PTPRQ: variants seen among roughly 807,000 people sequenced by gnomAD.
The protein encoded by PTPRQ is protein tyrosine phosphatase receptor type Q.
PTPRQ carries 199 observed loss-of-function variants against 246.0 expected under a neutral mutation model. The observed-to-expected ratio is 0.81, with a 90% CI of 0.72 to 0.91. The LOEUF (loss-of-function observed/expected upper bound fraction) is 0.91. Ranked by LOEUF, PTPRQ falls within the 40% of genes least tolerant of loss-of-function variation. The pLI, the probability that PTPRQ is intolerant of heterozygous loss-of-function variation, is 0.00. For missense variants in PTPRQ, 2,624 were observed against 2,528.4 expected, an observed-to-expected ratio of 1.04 and a Z score of -0.81; for synonymous variants, 869 against 853.2, an observed-to-expected ratio of 1.02 and a Z score of -0.32.
intron 25 of PTPRQ, among the ~76,000 whole-genome samples, chr12:80,573,063 T>A (rs1447604416): frequency 6.6e-6 from 1 of 152,210 alleles, no homozygotes; most frequent in Non-Finnish European, 1.5e-5. Context: ...TCACAGTTAT[T>A]ATTTCATCCT....
At chr12:80,523,958 A>AT (rs1895597759) in intron 17 of PTPRQ, among the ~76,000 whole-genome samples, 1 of 152,118 alleles carries the variant, frequency 6.6e-6, no homozygotes, top group African/African-American at 2.4e-5. Context: ...TAATGTTGAC[A>AT]GGGGGTGTTA....
At chr12:80,627,393 A>C (rs1477246471) in intron 33 of PTPRQ, among the ~76,000 whole-genome samples, 1 of 149,302 alleles carries the variant, frequency 6.7e-6, no homozygotes, top group Non-Finnish European at 1.5e-5. Context: ...AGAAGGAGGA[A>C]GAGGAGGAGG....
At chr12:80,479,885 G>T (rs1393962843) in intron 8 of PTPRQ, among the ~76,000 whole-genome samples, 1 of 151,832 alleles carries the variant, frequency 6.6e-6, no homozygotes. Context: ...AGTCCTGAGT[G>T]ACCTACAAAG....
At chr12:80,481,856 C>G (rs1451593518) in intron 8 of PTPRQ, among the ~76,000 whole-genome samples, 8 of 151,976 alleles carry the variant, frequency 5.3e-5, no homozygotes, top group African/African-American at 1.7e-4. Context: ...CTACAAACCG[C>G]TGCTCAATGA....
Position 80,549,687 on chromosome 12 carries a change from G to T in PTPRQ, c.4238G>T (p.Gly1413Val). Reference sequence around the variant, plus strand: ...AAAGTAAGAGCTTCAACCTCAGCTGGTGAAGGTGATGAAAGCACATGCCAT... The same window carrying T: ...AAAGTAAGAGCTTCAACCTCAGCTGTTGAAGGTGATGAAAGCACATGCCAT... The part of the protein sequence containing the change: ...VFKVRASTSA[G>V]EGDESTCHVS... The change falls in exon 25 of 45, where the codon GGT becomes GTT. Residue 1413 changes from glycine to valine, a missense_variant. By Grantham distance (109) the Gly-to-Val change is moderately radical. Transcript: ENST00000644991. The T allele has an allele frequency of 2.6e-6, 4 of 1,550,980 alleles. No homozygotes were observed. The highest frequency in any genetic ancestry group is 2.4e-5 in the South Asian group (2 of 84,014).
chr12:80,478,998 A>G (rs995079499), intron 8 of PTPRQ, among the ~76,000 whole-genome samples: 1 of 151,978 alleles, frequency 6.6e-6, no homozygotes, highest in Non-Finnish European at 1.5e-5. Context: ...AAGGCAGGCC[A>G]ACGTTCAGAT....
intron 26 of PTPRQ, among the ~76,000 whole-genome samples, chr12:80,590,199 A>G (rs1230666710): frequency 6.6e-6 from 1 of 151,992 alleles, no homozygotes; most frequent in African/African-American, 2.4e-5. Context: ...TTCCTCCTCA[A>G]TCCTGCCCAT....
chr12:80,474,997 G>A (rs1893766257), intron 8 of PTPRQ, among the ~76,000 whole-genome samples: 1 of 152,066 alleles, frequency 6.6e-6, no homozygotes, highest in Admixed American at 6.6e-5. Flanking sequence ...GATTTGCAAT[G>A]GCTTTAATTT....
intron 9 of PTPRQ, among the ~76,000 whole-genome samples, chr12:80,489,117 A>C (rs1007885976): frequency 4.1e-4 from 62 of 152,044 alleles, no homozygotes; most frequent in African/African-American, 1.4e-3. Context: ...ATGAGGTTTT[A>C]GGCACTCTGT....
At chr12:80,626,802 C>G (rs775210344) in intron 33 of PTPRQ, among the ~76,000 whole-genome samples, 4 of 152,166 alleles carry the variant, frequency 2.6e-5, no homozygotes, top group Non-Finnish European at 5.9e-5. Flanking sequence ...ATTTTCTCTT[C>G]TTGATAGTTT....
intron 3 of PTPRQ, chr12:80,454,485 C>G (rs1156728856): frequency 8.5e-6 from 6 of 702,336 alleles, no homozygotes; most frequent in Non-Finnish European, 1.6e-5. Flanking sequence ...ATCGCTCTGG[C>G]TAGGCCTTCC....
At position 80,668,679 on chromosome 12, in the gene PTPRQ, A is replaced by G. The variant is rs10506830; in HGVS notation, c.6193-328A>G. On this transcript the variant is annotated intron_variant, in intron 39 of 44. Coordinates refer to ENST00000644991, the MANE Select transcript of PTPRQ (RefSeq NM_001145026.2). ...CACAATGATTTTATAAGAATATTGAATATAAGATGCTTAGCAAACTGCTAC... is the reference window on the plus strand; with the variant it reads ...CACAATGATTTTATAAGAATATTGAGTATAAGATGCTTAGCAAACTGCTAC... Among the ~76,000 whole-genome samples, 29,768 of 151,862 alleles carry G rather than the reference A, an allele frequency of 0.2. 3,245 individuals are homozygous for G. The highest frequency in any genetic ancestry group is 0.24 in the Non-Finnish European group (16,490 of 67,852).
intron 19 of PTPRQ, among the ~76,000 whole-genome samples, chr12:80,539,115 G>T (rs1456891769): frequency 6.6e-6 from 1 of 151,916 alleles, no homozygotes; most frequent in Admixed American, 6.6e-5. Context: ...GAAAGAAAAT[G>T]ATTACATACA....
chr12:80,548,931 T>G (rs912660577), intron 24 of PTPRQ, among the ~76,000 whole-genome samples: 4 of 152,068 alleles, frequency 2.6e-5, no homozygotes, highest in Non-Finnish European at 5.9e-5. Context: ...TTCCTTCCAA[T>G]GATGTCTACA....
intron 35 of PTPRQ, among the ~76,000 whole-genome samples, chr12:80,646,426 T>C (rs966518558): frequency 6.6e-6 from 1 of 152,344 alleles, no homozygotes; most frequent in South Asian, 2.1e-4. Flanking sequence ...TAGCCAGTTA[T>C]GGTTTAAAAT....
Position 80,488,446 on chromosome 12 carries a change from G to A in PTPRQ, c.1359+3841G>A, listed in dbSNP as rs557604721. On this transcript the variant is annotated intron_variant, in intron 9 of 44. Coordinates refer to ENST00000644991, the MANE Select transcript of PTPRQ (RefSeq NM_001145026.2). Reference sequence around the variant, plus strand: ...TAAGAATTGAGAACAGATGACGAAGGTATATATGTGTTTAAGTAACCTAAC... The same window carrying A: ...TAAGAATTGAGAACAGATGACGAAGATATATATGTGTTTAAGTAACCTAAC... Among the ~76,000 whole-genome samples, 577 of 152,094 alleles carry A rather than the reference G, an allele frequency of 3.8e-3. 2 individuals are homozygous for A. Among genetic ancestry groups the A allele is most frequent in the African/African-American group, 0.013 (541 of 41,528 alleles).
intron 35 of PTPRQ, among the ~76,000 whole-genome samples, chr12:80,644,741 AT>A (rs1284503675): frequency 1.3e-5 from 2 of 152,028 alleles, no homozygotes; most frequent in Admixed American, 6.6e-5. Flanking sequence ...AGTCAAATTA[AT>A]TTTTTTGTAT....
At chr12:80,578,636 G>A (rs868517259) in intron 25 of PTPRQ, among the ~76,000 whole-genome samples, 6 of 152,082 alleles carry the variant, frequency 3.9e-5, no homozygotes, top group African/African-American at 1.4e-4. Flanking sequence ...CTCGTGATCC[G>A]CCCGCCTTGG....
rs1901240124 is a variant in PTPRQ at position 80,679,161 on chromosome 12, T to TCCAA, written c.*138_*139insCCAA. 2.8e-6 allele frequency: 3 copies of TCCAA among 1,057,060 alleles called. No homozygotes were observed. In the East Asian group the frequency reaches 8.4e-5, roughly 30 times the overall value. The allele number at this position is 1,057,060 out of a possible 1,614,324, so 65.5% of individuals were successfully genotyped here. ...TCTCACTGTGCCTTTCCAAACGGAT[T>TCCAA]GAACATTTTAAGACTAGTTCTTGAA... On this transcript the variant is annotated 3_prime_UTR_variant, in exon 45 of 45. Coordinates refer to ENST00000644991, the MANE Select transcript of PTPRQ (RefSeq NM_001145026.2).
Sources: allele counts gnomAD v4.1 joint callset (sites outside exome capture counted in the v4.1 genomes callset), GRCh38; gene constraint gnomAD v4.1.1; transcripts MANE v1.5; gene names NCBI Gene and HGNC (gene_info 2026-07-23, HGNC 2026-07-21).